The following CA10 variants were observed in gnomAD, a reference collection of about 807,000 sequenced individuals.
CA10 encodes carbonic anhydrase-related protein 10.
CA10 carries 14 observed loss-of-function variants against 44.2 expected under a neutral mutation model. That is an observed-to-expected ratio of 0.32 (90% confidence interval 0.21 to 0.50). The LOEUF (loss-of-function observed/expected upper bound fraction) is 0.50. Ranked by LOEUF, CA10 falls within the 20% of genes least tolerant of loss-of-function variation. The probability of loss-of-function intolerance (pLI) is 0.99; values close to 1 mark genes in which losing one functional copy is unlikely to be tolerated. For missense variants in CA10, 350 were observed against 409.7 expected (o/e 0.85, Z 1.26); for synonymous variants, 159 against 141.6 (o/e 1.12, Z -0.87).
intron 3 of CA10, among the ~76,000 whole-genome samples, chr17:51,904,606 A>G (rs965480858): frequency 6.6e-6 from 1 of 152,078 alleles, no homozygotes; most frequent in South Asian, 2.1e-4. Flanking sequence ...AGGACAAAAA[A>G]CTCACAATAA....
intron 3 of CA10, among the ~76,000 whole-genome samples, chr17:51,852,183 C>T (rs193008262): frequency 6.6e-6 from 1 of 152,294 alleles, no homozygotes; most frequent in East Asian, 1.9e-4. Context: ...TTGTCACTTG[C>T]AACATTCATT....
intron 3 of CA10, among the ~76,000 whole-genome samples, chr17:51,831,695 A>AGCGGCAGCGGCAGCAGCGGCAGCG (rs1567854577): frequency 7.4e-5 from 6 of 80,804 alleles, no homozygotes; most frequent in South Asian, 4.2e-4. Flanking sequence ...CAGCAGCAGC[A>AGCGGCAGCGGCAGCAGCGGCAGCG]GCAGCAGCAG....
intron 4 of CA10, among the ~76,000 whole-genome samples, chr17:51,740,793 C>T (rs1904424791): frequency 6.6e-6 from 1 of 152,110 alleles, no homozygotes; most frequent in African/African-American, 2.4e-5. Context: ...CCTGGAATGT[C>T]CTTCCCCAGA....
At chr17:51,850,815 G>A (rs940670181) in intron 3 of CA10, among the ~76,000 whole-genome samples, 2 of 152,180 alleles carry the variant, frequency 1.3e-5, no homozygotes, top group African/African-American at 2.4e-5. Context: ...CTGACTTTTT[G>A]TCTGGTTTCT....
intron 3 of CA10, among the ~76,000 whole-genome samples, chr17:51,832,514 G>T (rs922745834): frequency 6.6e-6 from 1 of 152,204 alleles, no homozygotes; most frequent in Admixed American, 6.5e-5. Flanking sequence ...AAGGCTTAAA[G>T]ATGCTCATGA....
chr17:51,703,397 T>C (rs1325417083), intron 4 of CA10, among the ~76,000 whole-genome samples: 2 of 152,128 alleles, frequency 1.3e-5, no homozygotes, highest in Non-Finnish European at 2.9e-5. Context: ...GGAGTGTCCC[T>C]AGCAGATCTG....
intron 2 of CA10, among the ~76,000 whole-genome samples, chr17:51,966,195 G>C (rs955191100): frequency 4.0e-5 from 6 of 151,840 alleles, no homozygotes; most frequent in Admixed American, 6.6e-5. Flanking sequence ...TCAAAACACT[G>C]CTCAATGAAA....
intron 3 of CA10, among the ~76,000 whole-genome samples, chr17:51,849,225 ATG>A (rs201096877): frequency 0.014 from 425 of 29,836 alleles, 13 homozygotes; most frequent in South Asian, 0.072. Context: ...ATATACATAT[ATG>A]TGTGTGTATA....
intron 1 of CA10, among the ~76,000 whole-genome samples, chr17:52,146,091 G>A (rs912492676): frequency 5.9e-5 from 9 of 152,190 alleles, no homozygotes; most frequent in South Asian, 2.1e-4. Context: ...CTAATTGTTC[G>A]CAAACCATTT....
chr17:51,802,291 T>A (rs929649627), intron 3 of CA10, among the ~76,000 whole-genome samples: 6 of 152,170 alleles, frequency 3.9e-5, no homozygotes, highest in African/African-American at 1.4e-4. Flanking sequence ...GGTTCTGTTT[T>A]TCATCACATG....
At chr17:52,105,393 T>C (rs1002262291) in intron 1 of CA10, among the ~76,000 whole-genome samples, 1 of 152,202 alleles carries the variant, frequency 6.6e-6, no homozygotes, top group South Asian at 2.1e-4. Context: ...TAGCTGGGAC[T>C]ACAGGCGCCT....
chr17:51,808,313 CTTG>C (rs1315972467), intron 3 of CA10, among the ~76,000 whole-genome samples: 1 of 152,214 alleles, frequency 6.6e-6, no homozygotes, highest in African/African-American at 2.4e-5. Flanking sequence ...ACTCAATTTG[CTTG>C]TTATTTCCTA....
At chr17:51,711,583 C>T (rs1410573361) in intron 4 of CA10, among the ~76,000 whole-genome samples, 3 of 152,120 alleles carry the variant, frequency 2.0e-5, no homozygotes, top group Admixed American at 6.6e-5. Flanking sequence ...ACACAGCCTG[C>T]GATGGAGAGT....
intron 3 of CA10, among the ~76,000 whole-genome samples, chr17:51,774,456 T>G (rs1352605679): frequency 2.0e-5 from 3 of 151,788 alleles, no homozygotes; most frequent in African/African-American, 7.3e-5. Context: ...TTTTTTTTTT[T>G]TGAGGTGGAG....
In CA10 at chr17:52,130,327, C is replaced by G. The variant is rs138268228; in HGVS notation, c.61+27399G>C. On this transcript the variant is annotated intron_variant, in intron 1 of 8. Transcript: ENST00000451037. ...GGTGTATATCCAGAGTATATGGGAT[C>G]AGAGGTTGAAGAGATATCTACATTC... is the stretch of plus-strand genomic sequence containing the variant. Among the ~76,000 whole-genome samples the G allele has an allele frequency of 1.0e-3, 158 of 152,232 alleles. 2 individuals carry two copies. Among genetic ancestry groups the G allele is most frequent in the South Asian group, 1.9e-3 (9 of 4,828 alleles).
intron 4 of CA10, among the ~76,000 whole-genome samples, chr17:51,665,031 T>G (rs1914157423): frequency 6.6e-6 from 1 of 152,160 alleles, no homozygotes; most frequent in Admixed American, 6.5e-5. Context: ...TCACTCAGGG[T>G]TAATTCAGAA....
At chr17:51,962,537 C>A (rs1401366286) in intron 2 of CA10, among the ~76,000 whole-genome samples, 5 of 152,110 alleles carry the variant, frequency 3.3e-5, no homozygotes, top group African/African-American at 1.2e-4. Flanking sequence ...AAATATATAC[C>A]CAGGCATGTT....
chr17:51,699,685 C>G (rs866596593), intron 4 of CA10, among the ~76,000 whole-genome samples: 1 of 152,344 alleles, frequency 6.6e-6, no homozygotes, highest in African/African-American at 2.4e-5. Context: ...GACAAGTCTA[C>G]TTGCATGTCC....
chr17:51,648,931 T>G (rs1913447661), intron 6 of CA10, among the ~76,000 whole-genome samples: 1 of 151,774 alleles, frequency 6.6e-6, no homozygotes, highest in African/African-American at 2.4e-5. Context: ...TACCAATCTA[T>G]GGGATAACGA....
Sources: gnomAD v4.1 joint callset for allele counts (sites outside exome capture counted in the v4.1 genomes callset) on GRCh38, gnomAD v4.1.1 for gene constraint, MANE v1.5 for transcripts, NCBI Gene and HGNC (gene_info 2026-07-23, HGNC 2026-07-21) for gene names.